Variants in ENPP3 observed in about 807,000 individuals in gnomAD.
ENPP3 encodes the protein ectonucleotide pyrophosphatase/phosphodiesterase 3, also known as ectonucleotide pyrophosphatase/phosphodiesterase family member 3.
ENPP3 carries 104 observed loss-of-function variants against 117.8 expected under a neutral mutation model. The ratio of observed to expected loss-of-function variants is 0.88; its 90% confidence interval spans 0.75 to 1.04. The LOEUF is 1.04. Among genes scored for constraint, ENPP3 ranks in the 50% least tolerant of loss-of-function variants. The probability of loss-of-function intolerance (pLI) is 0.00; values close to 1 mark genes in which losing one functional copy is unlikely to be tolerated. For missense variants in ENPP3, 1,026 were observed against 1,051.9 expected, an observed-to-expected ratio of 0.98 and a Z score of 0.34; for synonymous variants, 380 against 349.9, an observed-to-expected ratio of 1.09 and a Z score of -0.96.
At chr6:131,662,590 G>T (rs879446425) in intron 6 of ENPP3, among the ~76,000 whole-genome samples, 2 of 152,158 alleles carry the variant, frequency 1.3e-5, no homozygotes, top group Non-Finnish European at 2.9e-5. Flanking sequence ...CCAGTAACAT[G>T]CTGTTTTAAT....
chr6:131,652,280 A>G (rs1210511976), intron 3 of ENPP3, among the ~76,000 whole-genome samples: 2 of 152,214 alleles, frequency 1.3e-5, no homozygotes, highest in Admixed American at 1.3e-4. Context: ...AATAGGAGCC[A>G]TGTTCAGATC....
intron 14 of ENPP3, among the ~76,000 whole-genome samples, chr6:131,692,554 T>C (rs980271215): frequency 6.6e-6 from 1 of 150,646 alleles, no homozygotes; most frequent in African/African-American, 2.4e-5. Flanking sequence ...TCTACTAATA[T>C]GGTATATATA....
chr6:131,688,375 T>C (rs1172500789), intron 14 of ENPP3, among the ~76,000 whole-genome samples: 1 of 152,174 alleles, frequency 6.6e-6, no homozygotes, highest in Non-Finnish European at 1.5e-5. Context: ...TAGTGACACA[T>C]TTCTCATTTT....
intron 9 of ENPP3, 97 bp from the exon 10 acceptor site, chr6:131,676,639 G>A (rs902942201): frequency 2.6e-6 from 2 of 776,272 alleles, no homozygotes; most frequent in Non-Finnish European, 2.3e-6. Context: ...AACACAAAAT[G>A]GGTAGCTGAA....
chr6:131,654,146 T>TTAC (rs1778329564), intron 5 of ENPP3, among the ~76,000 whole-genome samples: 1 of 144,022 alleles, frequency 6.9e-6, no homozygotes, highest in African/African-American at 2.5e-5. Context: ...ATTATTATTA[T>TTAC]TACGAGATAG....
In ENPP3 at chr6:131,718,710, G is replaced by A; in HGVS notation, c.1451G>A (p.Gly484Asp). ...SNTNCGGGNHGYNNEFRSMEA... is the reference protein window; with the variant it reads ...SNTNCGGGNHDYNNEFRSMEA... The stretch of plus-strand genomic sequence containing the variant: ...ACAAATTGTGGAGGAGGCAACCATG[G>A]TTATAACAATGAGTTTAGGAGCATG... The change falls in exon 16 of 25, where the codon GGT becomes GAT. Residue 484 changes from glycine to aspartate, a missense_variant. By Grantham distance (94) the Gly-to-Asp change is moderately conservative. Coordinates refer to ENST00000357639, the MANE Select transcript of ENPP3 (RefSeq NM_005021.5). 1.2e-6 allele frequency: 2 copies of A among 1,605,616 alleles called. No homozygotes were observed. Among genetic ancestry groups the A allele is most frequent in the Non-Finnish European group, 1.7e-6 (2 of 1,174,732 alleles).
intron 15 of ENPP3, among the ~76,000 whole-genome samples, chr6:131,712,232 G>A (rs143146055): frequency 0.075 from 10,236 of 136,990 alleles, 618 homozygotes; most frequent in East Asian, 0.25. Context: ...TGTTTTACTT[G>A]CTTTTTTGTA....
At chr6:131,650,703 C>T (rs922670252) in intron 3 of ENPP3, among the ~76,000 whole-genome samples, 2 of 152,130 alleles carry the variant, frequency 1.3e-5, no homozygotes, top group Non-Finnish European at 2.9e-5. Flanking sequence ...AAAGAGAATC[C>T]GCTCCATGCC....
intron 14 of ENPP3, among the ~76,000 whole-genome samples, chr6:131,687,427 A>G (rs1779176948): frequency 6.6e-6 from 1 of 152,244 alleles, no homozygotes; most frequent in Non-Finnish European, 1.5e-5. Flanking sequence ...GCAACCTAGG[A>G]AATACTCTTC....
At chr6:131,684,171 C>T (rs1299539627) in intron 12 of ENPP3, among the ~76,000 whole-genome samples, 1 of 152,108 alleles carries the variant, frequency 6.6e-6, no homozygotes, top group Non-Finnish European at 1.5e-5. Context: ...AGTCAAGCCC[C>T]AATATCTGTG....
intron 14 of ENPP3, among the ~76,000 whole-genome samples, chr6:131,686,656 C>T (rs1450656390): frequency 6.6e-6 from 1 of 152,040 alleles, no homozygotes; most frequent in Non-Finnish European, 1.5e-5. Context: ...GTTTTTTAAC[C>T]CATACACCTC....
chr6:131,641,708 C>CTTT (rs1778044830), intron 2 of ENPP3, among the ~76,000 whole-genome samples, 178 bp downstream of exon 2: 1 of 151,242 alleles, frequency 6.6e-6, no homozygotes, highest in Non-Finnish European at 1.5e-5. Context: ...GTTGGCATTG[C>CTTT]TCACTGTACT....
intron 6 of ENPP3, among the ~76,000 whole-genome samples, chr6:131,665,529 A>G (rs894551389): frequency 1.3e-5 from 2 of 152,148 alleles, no homozygotes; most frequent in African/African-American, 4.8e-5. Flanking sequence ...TTGTTGGCAT[A>G]TAATTATTCA....
At chr6:131,696,506 A>G (rs1779408329) in intron 15 of ENPP3, among the ~76,000 whole-genome samples, 2 of 152,220 alleles carry the variant, frequency 1.3e-5, no homozygotes, top group South Asian at 4.1e-4. Context: ...ACGTGTTGCC[A>G]TACAGCAGGT....
intron 15 of ENPP3, among the ~76,000 whole-genome samples, chr6:131,696,436 A>G (rs768243452): frequency 6.6e-6 from 1 of 152,190 alleles, no homozygotes; most frequent in African/African-American, 2.4e-5. Context: ...GCATCAGAGA[A>G]TGCTTCCTGG....
At chr6:131,660,118 G>A (rs1029719641) in intron 6 of ENPP3, among the ~76,000 whole-genome samples, 1 of 152,214 alleles carries the variant, frequency 6.6e-6, no homozygotes, top group Non-Finnish European at 1.5e-5. Context: ...TCAGAGGCCT[G>A]ATTAAGAATA....
intron 11 of ENPP3, among the ~76,000 whole-genome samples, chr6:131,678,516 A>G (rs1054201798): frequency 2.0e-5 from 3 of 152,234 alleles, no homozygotes; most frequent in Non-Finnish European, 4.4e-5. Flanking sequence ...TGCGTTTAAC[A>G]AAACAAGCCA....
intron 12 of ENPP3, among the ~76,000 whole-genome samples, chr6:131,683,896 G>A (rs921929424): frequency 7.2e-5 from 11 of 151,788 alleles, no homozygotes; most frequent in Non-Finnish European, 1.3e-4. Flanking sequence ...GGTTACAGGC[G>A]CCCACCACCA....
intron 10 of ENPP3, 96 bp from the exon 11 acceptor site, chr6:131,677,772 A>G: frequency 2.6e-6 from 2 of 766,014 alleles, no homozygotes; most frequent in East Asian, 2.6e-5. Context: ...AAGAAAAGGC[A>G]ATGGCTAGCA....
Sources: gnomAD v4.1 joint callset for allele counts (sites outside exome capture counted in the v4.1 genomes callset) on GRCh38, gnomAD v4.1.1 for gene constraint, MANE v1.5 for transcripts, NCBI Gene and HGNC (gene_info 2026-07-23, HGNC 2026-07-21) for gene names.